MMP28: variants seen among roughly 807,000 people sequenced by gnomAD.
MMP28 encodes the protein matrix metalloproteinase-28.
MMP28 carries 55 observed loss-of-function variants against 60.5 expected under a neutral mutation model. The observed-to-expected ratio is 0.91, with a 90% CI of 0.73 to 1.14. The LOEUF (loss-of-function observed/expected upper bound fraction) is 1.14. Ranked by LOEUF, MMP28 falls within the 50% of genes most tolerant of loss-of-function variation. The pLI is 0.00. For synonymous variants in MMP28, 318 were observed against 312.5 expected (o/e 1.02, Z -0.18); for missense variants, 686 against 738.3 (o/e 0.93, Z 0.82).
intron 1 of MMP28, among the ~76,000 whole-genome samples, chr17:35,787,380 G>A (rs1425990242): frequency 6.6e-6 from 1 of 152,344 alleles, no homozygotes; most frequent in East Asian, 1.9e-4. Flanking sequence ...TCAGGGCAGT[G>A]GGGTTAACTC....
rs114080782 is a variant in MMP28 at position 35,767,146 on chromosome 17, A to G, written c.1169-252T>C. ...AGATAGCCCCGAAAGGAAGGCCCAG[A>G]GCTTTCTCCACTGCCATCATTACTA... is the stretch of plus-strand genomic sequence containing the variant. On this transcript the variant is annotated intron_variant, in intron 7 of 7. Transcript: ENST00000605424. The G allele has an allele frequency of 2.1e-3, 1,460 of 694,348 alleles. 14 individuals carry two copies. In the African/African-American group the frequency reaches 0.023, roughly 11 times the overall value. The allele number at this position is 694,348 out of a possible 1,614,324, so 43.0% of individuals were successfully genotyped here.
intron 1 of MMP28, among the ~76,000 whole-genome samples, chr17:35,788,790 G>C (rs2086728175): frequency 6.6e-6 from 1 of 152,058 alleles, no homozygotes; most frequent in Non-Finnish European, 1.5e-5. Context: ...TGAAACTCCT[G>C]CCTGGCTGTT....
intron 1 of MMP28, among the ~76,000 whole-genome samples, chr17:35,781,326 G>A (rs1025783449): frequency 6.6e-6 from 1 of 152,186 alleles, no homozygotes. Flanking sequence ...GTACAGATGG[G>A]GGTGCGTGGG....
At chr17:35,783,772 C>T (rs1395889128) in intron 1 of MMP28, among the ~76,000 whole-genome samples, 3 of 151,388 alleles carry the variant, frequency 2.0e-5, no homozygotes, top group Admixed American at 6.6e-5. Flanking sequence ...GGGTGGAGGG[C>T]AGGATGGGGG....
At position 35,770,226 on chromosome 17, in the gene MMP28, CGCG is replaced by C. The variant is rs2086084241; in HGVS notation, c.688_690del (p.Arg230del). 3.1e-6 allele frequency: 5 copies of C among 1,595,578 alleles called. No individual in the cohort carries two copies. Among genetic ancestry groups the C allele is most frequent in the South Asian group, 2.2e-5 (2 of 89,990 alleles). On this transcript the variant is annotated inframe_deletion, in exon 5 of 8. Coordinates refer to ENST00000605424, the MANE Select transcript of MMP28 (RefSeq NM_024302.5). Reference sequence around the variant, plus strand: ...GCCAGCACCACGAACAGGTTGCGCCCGCGGCGGCGGCTCAGGGACCAGCGCTCA... The same window carrying C: ...GCCAGCACCACGAACAGGTTGCGCCCGCGGCGGCTCAGGGACCAGCGCTCA...
Position 35,767,932 on chromosome 17 carries a change from AAG to A in MMP28, c.1001-15_1001-14del. 1.3e-6 allele frequency: 2 copies of A among 1,564,136 alleles called. No homozygotes were observed. Among genetic ancestry groups the A allele is most frequent in the African/African-American group, 1.4e-5 (1 of 73,684 alleles). ...TGCTGTTGCCTGTCTGCCCAGAGAC[AAG>A]AGAGAGTTGAGGAGTGACCATCAGC... On this transcript the variant is annotated splice_polypyrimidine_tract_variant and intron_variant, in intron 6 of 7. Coordinates refer to ENST00000605424, the MANE Select transcript of MMP28 (RefSeq NM_024302.5).
intron 1 of MMP28, among the ~76,000 whole-genome samples, chr17:35,793,905 C>A (rs907410502): frequency 1.3e-4 from 20 of 152,162 alleles, no homozygotes; most frequent in Non-Finnish European, 2.5e-4. Flanking sequence ...CGAGGCCAGC[C>A]TGGCCAATAT....
At chr17:35,763,816 G>A (rs928786508), downstream of MMP28, among the ~76,000 whole-genome samples, 6 of 151,922 alleles carry the variant, frequency 3.9e-5, no homozygotes, top group Non-Finnish European at 5.9e-5. Flanking sequence ...AGAATCGCTT[G>A]AGCCCGTGAG....
downstream of MMP28, among the ~76,000 whole-genome samples, chr17:35,763,470 TAA>T (rs2085866006): frequency 1.4e-5 from 1 of 69,764 alleles, no homozygotes; most frequent in Non-Finnish European, 3.0e-5. Flanking sequence ...TGGAGCGAAA[TAA>T]AAAGAGTCTG....
chr17:35,777,497 A>G (rs1243604012), intron 3 of MMP28, among the ~76,000 whole-genome samples: 1 of 152,236 alleles, frequency 6.6e-6, no homozygotes, highest in African/African-American at 2.4e-5. Flanking sequence ...CCAACAGTGA[A>G]GGGGAACTGC....
At position 35,782,459 on chromosome 17, in the gene MMP28, T is replaced by C. The variant is rs1047177062; in HGVS notation, c.112-3136A>G. ...CTAGATACTAAGACCAGCAAACCCC[T>C]AAATCTTTGCAAGTATCCAGCTTCC... On this transcript the variant is annotated intron_variant, in intron 1 of 7. Transcript: ENST00000605424. Among the ~76,000 whole-genome samples the C allele has an allele frequency of 3.3e-5, 5 of 152,198 alleles. No individual in the cohort carries two copies. In the South Asian group the frequency reaches 1.0e-3, roughly 31 times the overall value.
chr17:35,757,774 C>G (rs587735331), intron 2 of MMP28, among the ~76,000 whole-genome samples: 1 of 152,150 alleles, frequency 6.6e-6, no homozygotes, highest in Non-Finnish European at 1.5e-5. Context: ...CTTTGTTGTT[C>G]TTAATAAAAT....
chr17:35,757,362 G>A (rs1177615972), intron 2 of MMP28: 12 of 152,154 alleles, frequency 7.9e-5, no homozygotes, highest in Admixed American at 6.5e-5. Flanking sequence ...GATTCAAAGA[G>A]AAGTCTGTTG....
rs761115324 is a variant in MMP28, at chr17:35,770,122, CAGCCTCTTGT to C, written c.785_794del (p.Tyr262TrpfsTer23). On this transcript the variant is annotated frameshift_variant, in exon 5 of 8. Coordinates refer to ENST00000605424, the MANE Select transcript of MMP28 (RefSeq NM_024302.5). LOFTEE classifies it high-confidence loss of function. The stretch of plus-strand genomic sequence containing the variant: ...CCCAGCTGAGCAGCGCGTCGCGGCC[CAGCCTCTTGT>C]AGTAGGGCGCCATGAGCGCGCGCGG... 5.6e-6 allele frequency: 9 copies of C among 1,606,744 alleles called. No individual in the cohort carries two copies. In the Admixed American group the frequency reaches 1.5e-4, roughly 27 times the overall value.
intron 3 of MMP28, among the ~76,000 whole-genome samples, chr17:35,776,480 G>T (rs2086334282): frequency 6.6e-6 from 1 of 152,132 alleles, no homozygotes. Flanking sequence ...CCAGCTGCCA[G>T]ATAAGTTTCT....
In MMP28 at chr17:35,795,254, A is replaced by T; in HGVS notation, c.111+13T>A. The T allele has an allele frequency of 7.1e-7, 1 of 1,400,428 alleles. No homozygotes were observed. Among genetic ancestry groups the T allele is most frequent in the East Asian group, 3.0e-5 (1 of 32,818 alleles). The allele number at this position is 1,400,428 out of a possible 1,614,324, so 86.8% of individuals were successfully genotyped here. A position where few individuals can be genotyped will look rare whatever the true frequency, so the allele number is the denominator to read the frequency against. ...GCACACGCACCGCTCTCCGCCAGGT[A>T]CACACGGCGTACCTCCGCCTCCTTG... On this transcript the variant is annotated intron_variant, in intron 1 of 7. Coordinates refer to ENST00000605424, the MANE Select transcript of MMP28 (RefSeq NM_024302.5).
At chr17:35,765,460 T>C (rs781948257), downstream of MMP28, among the ~76,000 whole-genome samples, 6 of 152,164 alleles carry the variant, frequency 3.9e-5, no homozygotes, top group Non-Finnish European at 7.4e-5. Flanking sequence ...GGGAGCTGGT[T>C]CCTTCTCCAG....
intron 1 of MMP28, among the ~76,000 whole-genome samples, chr17:35,784,609 G>T (rs567443892): frequency 6.6e-6 from 1 of 152,290 alleles, no homozygotes; most frequent in East Asian, 1.9e-4. Context: ...AGGAGCAGGG[G>T]TGTGGGGTCA....
chr17:35,761,419 G>GTT (rs113571513), downstream of MMP28, among the ~76,000 whole-genome samples: 5 of 126,484 alleles, frequency 4.0e-5, no homozygotes, highest in Admixed American at 7.7e-5. Flanking sequence ...CCTGTTTTTT[G>GTT]TTTTTTTTTT....
Sources: allele counts gnomAD v4.1 joint callset (sites outside exome capture counted in the v4.1 genomes callset), GRCh38; gene constraint gnomAD v4.1.1; transcripts MANE v1.5; gene names NCBI Gene and HGNC (gene_info 2026-07-23, HGNC 2026-07-21).